ETV1: variants seen among roughly 807,000 people sequenced by gnomAD.
The protein encoded by ETV1 is ETS variant transcription factor 1.
A neutral mutation model predicts 62.3 loss-of-function variants in ETV1; 27 were observed. That is an observed-to-expected ratio of 0.43 (90% CI 0.32 to 0.60). The LOEUF (loss-of-function observed/expected upper bound fraction) is 0.60, where lower values mean the gene tolerates loss of function less well. ETV1 is among the 20% of genes least tolerant of loss of function. The pLI is 0.06. For synonymous variants in ETV1, 222 were observed against 199.6 expected (o/e 1.11, Z -0.94); for missense variants, 605 against 605.8 (o/e 1.00, Z 0.01).
rs199898544 is a variant in ETV1, at chr7:13,918,688, C to T, written c.803-7381G>A. 6.8e-5 allele frequency among the ~76,000 whole-genome samples: 10 copies of T among 147,822 alleles called. No individual in the cohort carries two copies. The East Asian group carries it at 8.1e-4, about 12-fold the overall frequency. ...GAACTGAACAATGAGATCACATGGA[C>T]GCAGGAAGAGGAATATCACACTCTG... On this transcript the variant is annotated intron_variant, in intron 9 of 13. Coordinates refer to ENST00000430479, the MANE Select transcript of ETV1 (RefSeq NM_004956.5).
intron 6 of ETV1, among the ~76,000 whole-genome samples, chr7:13,942,691 A>G (rs1444983617): frequency 6.6e-6 from 1 of 152,192 alleles, no homozygotes; most frequent in African/African-American, 2.4e-5. Context: ...TATTGGTTTT[A>G]CATTTTCATA....
At chr7:13,931,863 C>T (rs909349035) in intron 8 of ETV1, 114 bp from the exon 9 acceptor site, 6 of 1,267,280 alleles carry the variant, frequency 4.7e-6, no homozygotes, top group Admixed American at 2.5e-5. Context: ...TGACCTGAAG[C>T]GTAAATCTTT....
chr7:13,898,177 A>G (rs1235752231), intron 13 of ETV1, among the ~76,000 whole-genome samples: 1 of 152,244 alleles, frequency 6.6e-6, no homozygotes, highest in Admixed American at 6.5e-5. Flanking sequence ...TATGAGTAAC[A>G]GAAGTACTAA....
chr7:13,903,349 A>G (rs546902194), intron 12 of ETV1, among the ~76,000 whole-genome samples: 19 of 152,286 alleles, frequency 1.2e-4, no homozygotes, highest in Non-Finnish European at 2.5e-4. Flanking sequence ...GTAACACTGA[A>G]CCTGATAACA....
chr7:13,982,024 A>G (rs932706105), intron 5 of ETV1, among the ~76,000 whole-genome samples: 2 of 152,096 alleles, frequency 1.3e-5, no homozygotes, highest in Non-Finnish European at 2.9e-5. Flanking sequence ...ACATATTTAA[A>G]CATACAAAAA....
intron 9 of ETV1, among the ~76,000 whole-genome samples, chr7:13,921,465 T>C (rs930908626): frequency 2.6e-5 from 4 of 152,168 alleles, no homozygotes; most frequent in African/African-American, 9.7e-5. Flanking sequence ...GTTCCTTGAC[T>C]CCGAAGGGGA....
chr7:13,902,446 G>A (rs1427509317), intron 12 of ETV1, among the ~76,000 whole-genome samples: 1 of 151,378 alleles, frequency 6.6e-6, no homozygotes, highest in Non-Finnish European at 1.5e-5. Context: ...CACAGTGGCA[G>A]GAACATCTCA....
At chr7:13,944,089 A>G (rs937259272) in intron 6 of ETV1, among the ~76,000 whole-genome samples, 1 of 152,194 alleles carries the variant, frequency 6.6e-6, no homozygotes, top group Non-Finnish European at 1.5e-5. Context: ...CAAAATGTCC[A>G]TTAGCATGGA....
Position 13,906,402 on chromosome 7 carries a change from T to C in ETV1, c.1110+28A>G, listed in dbSNP as rs184679518. On this transcript the variant is annotated intron_variant, in intron 12 of 13. Transcript: ENST00000430479. ...TTCTTTATGTTATAACATGTCTGAGTGTCCTAATTAAAATCTATTAAACTA... is the reference window on the plus strand; with the variant it reads ...TTCTTTATGTTATAACATGTCTGAGCGTCCTAATTAAAATCTATTAAACTA... 19 of 1,435,884 alleles carry C rather than the reference T, an allele frequency of 1.3e-5. No individual in the cohort carries two copies. In the African/African-American group the frequency reaches 2.5e-4, roughly 19 times the overall value. The allele number at this position is 1,435,884 out of a possible 1,614,324, so 88.9% of individuals were successfully genotyped here.
At chr7:13,988,475 T>TA (rs1253909571) in intron 3 of ETV1, 1 of 616,208 alleles carries the variant, frequency 1.6e-6, no homozygotes, top group Non-Finnish European at 2.8e-6. Context: ...CATTTACACT[T>TA]AAAGTTGTTT....
chr7:13,940,349 G>A (rs982788085), intron 6 of ETV1, among the ~76,000 whole-genome samples: 39 of 143,426 alleles, frequency 2.7e-4, no homozygotes, highest in Non-Finnish European at 4.6e-4. Context: ...GCAACAGAGC[G>A]AGACTCCACC....
chr7:13,916,985 A>G (rs192137858), intron 9 of ETV1, among the ~76,000 whole-genome samples: 3 of 152,206 alleles, frequency 2.0e-5, no homozygotes, highest in Admixed American at 2.0e-4. Flanking sequence ...AAGTAGAATA[A>G]GTAAATAATG....
Position 13,969,268 on chromosome 7 carries a change from G to GA in ETV1, c.235+8158dup, listed in dbSNP as rs1158838778. 2.6e-5 allele frequency among the ~76,000 whole-genome samples: 4 copies of GA among 152,144 alleles called. No individual in the cohort carries two copies. The East Asian group carries it at 7.7e-4, about 29-fold the overall frequency. On this transcript the variant is annotated intron_variant, in intron 6 of 13. Transcript: ENST00000430479. ...AAATAGAGAATAATCTTTGGAAGAG[G>GA]AAAATATATATAATTCTAGCAAAGA...
intron 6 of ETV1, among the ~76,000 whole-genome samples, chr7:13,944,089 A>T (rs937259272): frequency 6.6e-6 from 1 of 152,194 alleles, no homozygotes; most frequent in Non-Finnish European, 1.5e-5. Context: ...CAAAATGTCC[A>T]TTAGCATGGA....
chr7:13,983,255 C>A (rs1417614852), intron 5 of ETV1, among the ~76,000 whole-genome samples: 1 of 152,016 alleles, frequency 6.6e-6, no homozygotes, highest in Non-Finnish European at 1.5e-5. Flanking sequence ...AGCAGCTACA[C>A]ATTTACATCA....
At chr7:13,933,719 T>C (rs924961285) in intron 8 of ETV1, among the ~76,000 whole-genome samples, 3 of 152,180 alleles carry the variant, frequency 2.0e-5, no homozygotes, top group African/African-American at 7.2e-5. Context: ...CTCAGAAACA[T>C]ACGGCTTTAG....
chr7:13,942,379 A>G (rs1375921521), intron 6 of ETV1, among the ~76,000 whole-genome samples: 1 of 152,060 alleles, frequency 6.6e-6, no homozygotes, highest in African/African-American at 2.4e-5. Context: ...CATATTTAGC[A>G]AAGTGTGTAT....
intron 5 of ETV1, among the ~76,000 whole-genome samples, chr7:13,985,020 A>T (rs1437822691): frequency 6.6e-6 from 1 of 152,038 alleles, no homozygotes; most frequent in Admixed American, 6.6e-5. Flanking sequence ...TGCTATGCAC[A>T]TTCAAAATCT....
At chr7:13,978,889 A>G (rs1487535831) in intron 5 of ETV1, among the ~76,000 whole-genome samples, 2 of 152,088 alleles carry the variant, frequency 1.3e-5, no homozygotes, top group Non-Finnish European at 2.9e-5. Context: ...TTGACATTCA[A>G]CTGTTTTCTA....
Sources: gnomAD v4.1 joint callset for allele counts (sites outside exome capture counted in the v4.1 genomes callset) on GRCh38, gnomAD v4.1.1 for gene constraint, MANE v1.5 for transcripts, NCBI Gene and HGNC (gene_info 2026-07-23, HGNC 2026-07-21) for gene names.